SLC9A8: variants seen among roughly 807,000 people sequenced by gnomAD.
SLC9A8 encodes sodium/hydrogen exchanger 8.
A neutral mutation model predicts 66.6 loss-of-function variants in SLC9A8; 48 were observed. That is an observed-to-expected ratio of 0.72 (90% CI 0.57 to 0.92). SLC9A8 has a LOEUF of 0.92. SLC9A8 is among the 40% of genes least tolerant of loss of function. SLC9A8 has a pLI of 0.00. For synonymous variants in SLC9A8, 274 were observed against 282.6 expected (o/e 0.97, Z 0.31); for missense variants, 599 against 747.3 (o/e 0.80, Z 2.31).
intron 3 of SLC9A8, chr20:49,830,502 A>G (rs2087129706): frequency 2.7e-6 from 2 of 754,270 alleles, no homozygotes; most frequent in Non-Finnish European, 4.7e-6. Flanking sequence ...CTACGTGGAC[A>G]TGTCAACGGT....
intron 8 of SLC9A8, among the ~76,000 whole-genome samples, chr20:49,858,395 G>C (rs2088594532): frequency 6.7e-6 from 1 of 149,604 alleles, no homozygotes; most frequent in African/African-American, 2.5e-5. Flanking sequence ...TCGTATCCTG[G>C]CTACACATAT....
chr20:49,835,618 G>A (rs534586257), intron 3 of SLC9A8, among the ~76,000 whole-genome samples: 3 of 151,200 alleles, frequency 2.0e-5, no homozygotes, highest in Non-Finnish European at 2.9e-5. Context: ...TCATACAATC[G>A]GTGGTACTTT....
At chr20:49,813,138 C>T (rs2086418487) in intron 1 of SLC9A8, among the ~76,000 whole-genome samples, 190 bp downstream of exon 1, 1 of 152,238 alleles carries the variant, frequency 6.6e-6, no homozygotes, top group Non-Finnish European at 1.5e-5. Context: ...CTTGCTTTCC[C>T]CTGGAGATCG....
At chr20:49,844,369 G>A (rs1409845889) in intron 4 of SLC9A8, among the ~76,000 whole-genome samples, 2 of 152,144 alleles carry the variant, frequency 1.3e-5, no homozygotes, top group Non-Finnish European at 2.9e-5. Context: ...TTGTGGAGTT[G>A]TTTTTGAAAG....
Position 49,845,063 on chromosome 20 carries a change from T to C in SLC9A8, c.376T>C (p.Phe126Leu). ...KEEEMFRPNM[F>L]FLLLLPPIIF... is the part of the protein sequence containing the mutation. ...AGAAGAAATGTTTCGTCCAAACATG[T>C]TTTTCCTCCTCCTGCTTCCCCCTAT... is the stretch of plus-strand genomic sequence containing the variant. Residue 126 changes from phenylalanine (F) to leucine (L), a missense_variant, in exon 5 of 16, where the codon TTT (phenylalanine) becomes CTT (leucine). Around this residue, in one of 2 missense-constraint regions of SLC9A8, gnomAD observed 467 missense variants for 626.5 expected, o/e 0.75. Coordinates refer to ENST00000361573, the MANE Select transcript of SLC9A8 (RefSeq NM_015266.3). The C allele has an allele frequency of 6.2e-7, 1 of 1,613,184 alleles. No homozygotes were observed. Among genetic ancestry groups the C allele is most frequent in the Non-Finnish European group, 8.5e-7 (1 of 1,179,128 alleles).
chr20:49,823,024 T>G (rs760019993), intron 2 of SLC9A8, 37 bp from the exon 3 acceptor site: 58 of 1,543,328 alleles, frequency 3.8e-5, no homozygotes, highest in African/African-American at 4.1e-5. Context: ...GAATTGAGTG[T>G]TTTTTTTAAA....
chr20:49,859,202 C>T (rs895401220), intron 8 of SLC9A8, among the ~76,000 whole-genome samples: 17 of 152,222 alleles, frequency 1.1e-4, no homozygotes, highest in African/African-American at 2.7e-4. Context: ...TCTCCAGCCA[C>T]GGCTGGTCAT....
intron 2 of SLC9A8, chr20:49,815,452 T>G: frequency 1.2e-4 from 35 of 283,408 alleles, no homozygotes; most frequent in Admixed American, 2.6e-4. Context: ...AATTTTGGCC[T>G]AGAAAGAATC....
chr20:49,875,274 TAAAA>T (rs33958043), intron 11 of SLC9A8, among the ~76,000 whole-genome samples: 2 of 123,280 alleles, frequency 1.6e-5, no homozygotes, highest in Non-Finnish European at 3.5e-5. Flanking sequence ...GCTATGATCT[TAAAA>T]AAAAAAAAAA....
At chr20:49,832,616 G>A (rs900778346) in intron 3 of SLC9A8, among the ~76,000 whole-genome samples, 2 of 152,194 alleles carry the variant, frequency 1.3e-5, no homozygotes, top group African/African-American at 4.8e-5. Context: ...TCACGGCTTT[G>A]GCCCTTTCAC....
At position 49,884,223 on chromosome 20, in the gene SLC9A8, CACA is replaced by C. The variant is rs1238067189; in HGVS notation, c.1491+158_1491+160del. 2.9e-3 allele frequency: 700 copies of C among 237,308 alleles called. 1 individual carries two copies. The highest frequency in any genetic ancestry group is 4.1e-3 in the Non-Finnish European group (530 of 129,844). The allele number at this position is 237,308 out of a possible 1,614,324, so 14.7% of individuals were successfully genotyped here. A position where few individuals can be genotyped will look rare whatever the true frequency, so the allele number is the denominator to read the frequency against. On this transcript the variant is annotated intron_variant, in intron 14 of 15. Transcript: ENST00000361573. ...CGACACACACACACACACACACACA[CACA>C]CACACACACACACACGACACACACA...
intron 5 of SLC9A8, among the ~76,000 whole-genome samples, chr20:49,846,409 GC>G (rs1862321137): frequency 6.6e-6 from 1 of 151,246 alleles, no homozygotes; most frequent in African/African-American, 2.4e-5. Context: ...ATCATGCGCT[GC>G]CCCCTACAGG....
chr20:49,887,800 T>C, intron 15 of SLC9A8, 29 bp from the exon 16 acceptor site: 2 of 1,547,000 alleles, frequency 1.3e-6, no homozygotes, highest in African/African-American at 1.4e-5. Context: ...CCTGACGCCC[T>C]GACGGCTTGG....
chr20:49,877,559 C>T (rs993713338), intron 11 of SLC9A8, among the ~76,000 whole-genome samples: 14 of 152,070 alleles, frequency 9.2e-5, no homozygotes, highest in Non-Finnish European at 2.1e-4. Flanking sequence ...TTAAGCTAAT[C>T]ATGTGGAAGT....
Position 49,876,872 on chromosome 20 carries a change from CAGAG to C in SLC9A8, c.1076-1103_1076-1100del, listed in dbSNP as rs550573966. 6.2e-4 allele frequency among the ~76,000 whole-genome samples: 95 copies of C among 152,198 alleles called. 1 individual carries two copies. The Middle Eastern group carries it at 0.01, about 16-fold the overall frequency. On this transcript the variant is annotated intron_variant, in intron 11 of 15. Transcript: ENST00000361573. ...CAAATATTAGATAAGAAAAAAATTT[CAGAG>C]AGAGAAGGGGGGGTAAATTCTCCAG... is the stretch of plus-strand genomic sequence containing the variant.
intron 3 of SLC9A8, among the ~76,000 whole-genome samples, chr20:49,834,471 A>ATATATATATACTG (rs2087448787): frequency 1.8e-5 from 2 of 111,402 alleles, no homozygotes; most frequent in African/African-American, 3.5e-5. Flanking sequence ...TATACTGTGT[A>ATATATATATACTG]TATATATATA....
intron 15 of SLC9A8, among the ~76,000 whole-genome samples, chr20:49,887,581 C>G (rs765623723): frequency 2.0e-5 from 3 of 152,164 alleles, no homozygotes; most frequent in Non-Finnish European, 2.9e-5. Context: ...TGTCTGACTC[C>G]AGAGACCACA....
At chr20:49,814,938 G>A in intron 1 of SLC9A8, 70 bp from the exon 2 acceptor site, 1 of 1,246,910 alleles carries the variant, frequency 8.0e-7, no homozygotes, top group Middle Eastern at 2.1e-4. Flanking sequence ...TCTCTTTCTG[G>A]TGTGAGGTGT....
At chr20:49,814,112 T>C (rs2086460903) in intron 1 of SLC9A8, among the ~76,000 whole-genome samples, 1 of 152,210 alleles carries the variant, frequency 6.6e-6, no homozygotes, top group South Asian at 2.1e-4. Flanking sequence ...CAGTTATTTA[T>C]TGAGCAGCTG....
Sources: gnomAD v4.1 joint callset for allele counts (sites outside exome capture counted in the v4.1 genomes callset) on GRCh38, gnomAD v4.1.1 for gene constraint, gnomAD v4.1.1 regional missense constraint, MANE v1.5 for transcripts, NCBI Gene and HGNC (gene_info 2026-07-23, HGNC 2026-07-21) for gene names.